TARS3: variants seen among roughly 807,000 people sequenced by gnomAD.
The protein encoded by TARS3 is threonyl-tRNA synthetase 3.
Under a neutral mutation model 103.5 loss-of-function variants are expected in TARS3, and 94 were observed. The observed-to-expected ratio is 0.91, with a 90% confidence interval of 0.77 to 1.08. TARS3 has a LOEUF of 1.08. TARS3 is among the 50% of genes least tolerant of loss of function. The probability of loss-of-function intolerance (pLI) is 0.00; values close to 1 mark genes in which losing one functional copy is unlikely to be tolerated. For missense variants in TARS3, 952 were observed against 995.2 expected (o/e 0.96, Z 0.58); for synonymous variants, 416 against 355.4 (o/e 1.17, Z -1.92).
rs577174278 is a variant in TARS3, at chr15:101,710,941, C to T, written c.812+939G>A. ...GAAGGATCAGAGGTTTTGGTTGTGG[C>T]AGTTGGAGGTACCCTAGGAGCTATG... On this transcript the variant is annotated intron_variant, in intron 5 of 18. Transcript: ENST00000335968. Among the ~76,000 whole-genome samples the T allele has an allele frequency of 6.0e-4, 92 of 152,198 alleles. 1 individual carries two copies. In the South Asian group the frequency reaches 0.019, roughly 31 times the overall value.
At chr15:101,656,883 A>G in intron 18 of TARS3, 39 bp downstream of exon 18, 7 of 1,363,116 alleles carry the variant, frequency 5.1e-6, no homozygotes, top group Non-Finnish European at 7.2e-6. Context: ...GAAGTGGGAA[A>G]AAAAAGCATT....
chr15:101,682,124 C>T (rs1898279199), intron 12 of TARS3, among the ~76,000 whole-genome samples: 1 of 152,036 alleles, frequency 6.6e-6, no homozygotes, highest in Admixed American at 6.6e-5. Flanking sequence ...TTTTTTATTT[C>T]TCTTTCTTAA....
intron 15 of TARS3, 92 bp from the exon 16 acceptor site, chr15:101,661,908 T>C (rs28542757): frequency 2.7e-6 from 2 of 730,506 alleles, no homozygotes; most frequent in East Asian, 6.0e-5. Flanking sequence ...AGATTTAGAT[T>C]AGTGATATCA....
intron 18 of TARS3, chr15:101,655,965 A>T: frequency 7.8e-7 from 1 of 1,289,224 alleles, no homozygotes; most frequent in Non-Finnish European, 1.0e-6. Flanking sequence ...CCATATTGTG[A>T]GATGATGCAG....
chr15:101,667,626 A>C (rs912332683), intron 15 of TARS3, among the ~76,000 whole-genome samples: 2 of 151,926 alleles, frequency 1.3e-5, no homozygotes, highest in African/African-American at 4.8e-5. Context: ...GCTGGAGTGC[A>C]GTGGCGTGGT....
Position 101,671,471 on chromosome 15 carries a change from C to A in TARS3, c.1967+15G>T, listed in dbSNP as rs777591938. ...AATATTAGTACTATAATATTTATCA[C>A]ATTCAATCACTCACCTAACATATGT... On this transcript the variant is annotated intron_variant, in intron 15 of 18. Transcript: ENST00000335968. The A allele has an allele frequency of 1.4e-5, 22 of 1,564,478 alleles. No homozygotes were observed. In the Middle Eastern group the frequency reaches 7.4e-4, roughly 52 times the overall value.
At chr15:101,668,313 T>C (rs1353965848) in intron 15 of TARS3, among the ~76,000 whole-genome samples, 1 of 152,144 alleles carries the variant, frequency 6.6e-6, no homozygotes, top group Non-Finnish European at 1.5e-5. Flanking sequence ...AATTTCAATG[T>C]TATTGTGTCT....
At chr15:101,714,308 G>C (rs758725549) in intron 4 of TARS3, among the ~76,000 whole-genome samples, 1 of 152,010 alleles carries the variant, frequency 6.6e-6, no homozygotes, top group African/African-American at 2.4e-5. Context: ...AATGATTATT[G>C]TAAGAAATGA....
At chr15:101,716,650 G>C (rs888959977) in intron 3 of TARS3, among the ~76,000 whole-genome samples, 3 of 152,124 alleles carry the variant, frequency 2.0e-5, no homozygotes, top group Admixed American at 6.5e-5. Context: ...ATGCTGCAAT[G>C]AACATTCTTG....
chr15:101,706,657 A>G (rs1274626073), intron 6 of TARS3, among the ~76,000 whole-genome samples: 2 of 152,190 alleles, frequency 1.3e-5, no homozygotes, highest in Non-Finnish European at 2.9e-5. Flanking sequence ...TATCGTAATG[A>G]TGATATATTT....
chr15:101,722,602 C>T (rs948842509), intron 2 of TARS3, among the ~76,000 whole-genome samples: 1 of 129,086 alleles, frequency 7.7e-6, no homozygotes, highest in Non-Finnish European at 1.5e-5. Flanking sequence ...GTCAGGAGAT[C>T]GAGATCCTCC....
chr15:101,703,058 GT>G (rs2141431651), intron 8 of TARS3, among the ~76,000 whole-genome samples: 1 of 152,290 alleles, frequency 6.6e-6, no homozygotes, highest in South Asian at 2.1e-4. Flanking sequence ...ATTAAGAACA[GT>G]GCCATTAGCC....
chr15:101,668,400 A>G (rs1015302439), intron 15 of TARS3, among the ~76,000 whole-genome samples: 8 of 152,184 alleles, frequency 5.3e-5, no homozygotes, highest in South Asian at 2.1e-4. Context: ...GACGACATTT[A>G]TCGGTAAAGT....
At chr15:101,703,963 T>G (rs1326124049) in intron 7 of TARS3, 26 bp from the exon 8 acceptor site, 2 of 1,515,738 alleles carry the variant, frequency 1.3e-6, no homozygotes, top group Non-Finnish European at 1.8e-6. Context: ...TAGGACATGC[T>G]CAGGCACAGT....
At chr15:101,687,782 T>G (rs1479394555) in intron 10 of TARS3, among the ~76,000 whole-genome samples, 1 of 152,110 alleles carries the variant, frequency 6.6e-6, no homozygotes, top group Non-Finnish European at 1.5e-5. Flanking sequence ...GACAAGTGAT[T>G]AGGTCATAAG....
At chr15:101,719,377 T>C (rs939106192) in intron 3 of TARS3, among the ~76,000 whole-genome samples, 1 of 152,236 alleles carries the variant, frequency 6.6e-6, no homozygotes, top group Non-Finnish European at 1.5e-5. Context: ...CTTTGAGCTA[T>C]GGAACATAAG....
intron 3 of TARS3, among the ~76,000 whole-genome samples, chr15:101,719,492 T>C (rs1900336864): frequency 6.6e-6 from 1 of 152,226 alleles, no homozygotes; most frequent in Admixed American, 6.5e-5. Flanking sequence ...TGTTGTTCCA[T>C]AAACCATTCC....
chr15:101,670,535 A>G (rs1897754252), intron 15 of TARS3, among the ~76,000 whole-genome samples: 1 of 152,252 alleles, frequency 6.6e-6, no homozygotes, highest in African/African-American at 2.4e-5. Flanking sequence ...ACTGGCAAGG[A>G]TGTGGAACAT....
chr15:101,717,365 T>C (rs1209954047), intron 3 of TARS3, among the ~76,000 whole-genome samples: 1 of 152,230 alleles, frequency 6.6e-6, no homozygotes, highest in East Asian at 1.9e-4. Flanking sequence ...AATGTGTACA[T>C]ATGATAACAA....
Sources: allele counts gnomAD v4.1 joint callset (sites outside exome capture counted in the v4.1 genomes callset), GRCh38; gene constraint gnomAD v4.1.1; transcripts MANE v1.5; gene names NCBI Gene and HGNC (gene_info 2026-07-23, HGNC 2026-07-21).